UNC80: variants seen among roughly 807,000 people sequenced by gnomAD.
UNC80 encodes protein unc-80 homolog.
UNC80 carries 164 observed loss-of-function variants against 384.6 expected under a neutral mutation model. The ratio of observed to expected loss-of-function variants is 0.43; its 90% CI spans 0.38 to 0.49. The LOEUF is 0.49. Ranked by LOEUF, UNC80 falls within the 20% of genes least tolerant of loss-of-function variation. The pLI is 0.00. For missense variants in UNC80, 3,330 were observed against 4,143.0 expected, an observed-to-expected ratio of 0.80 and a Z score of 5.39; for synonymous variants, 1,486 against 1,527.8, an observed-to-expected ratio of 0.97 and a Z score of 0.64.
At chr2:209,971,464 CAAAAAA>C (rs35804573) in intron 54 of UNC80, among the ~76,000 whole-genome samples, 30 of 133,782 alleles carry the variant, frequency 2.2e-4, no homozygotes, top group Admixed American at 5.3e-4. Flanking sequence ...ATTCCCAAGG[CAAAAAA>C]AAAAAAAAAA....
intron 58 of UNC80, among the ~76,000 whole-genome samples, chr2:209,977,462 G>A (rs923819951): frequency 2.6e-5 from 4 of 152,020 alleles, no homozygotes; most frequent in African/African-American, 9.7e-5. Context: ...TCTATTTTAT[G>A]GTAGATTATT....
At chr2:209,947,093 T>G (rs2091948575) in intron 47 of UNC80, among the ~76,000 whole-genome samples, 1 of 152,168 alleles carries the variant, frequency 6.6e-6, no homozygotes, top group Non-Finnish European at 1.5e-5. Context: ...ATTTCTGATC[T>G]CAGGGTATGG....
chr2:209,974,673 G>A (rs993174846), intron 56 of UNC80, among the ~76,000 whole-genome samples: 2 of 152,242 alleles, frequency 1.3e-5, no homozygotes, highest in Admixed American at 6.5e-5. Flanking sequence ...AGAAGTTAGT[G>A]TTATTCTCAT....
chr2:209,930,052 G>A, intron 37 of UNC80, 81 bp downstream of exon 37: 3 of 815,214 alleles, frequency 3.7e-6, no homozygotes, highest in Non-Finnish European at 5.4e-6. Context: ...ACTTTATAGT[G>A]CAGTGCATGC....
chr2:209,802,470 A>T (rs964279571), intron 7 of UNC80, among the ~76,000 whole-genome samples: 3 of 152,208 alleles, frequency 2.0e-5, no homozygotes, highest in African/African-American at 7.2e-5. Flanking sequence ...TAAAAATTTT[A>T]AAAGTAATAT....
intron 51 of UNC80, among the ~76,000 whole-genome samples, chr2:209,962,848 A>G (rs1388554116): frequency 6.6e-6 from 1 of 152,228 alleles, no homozygotes; most frequent in Non-Finnish European, 1.5e-5. Flanking sequence ...GAATATGTGT[A>G]AAAGTTGGAG....
rs748631451 is a variant in UNC80, at chr2:209,775,997, C to T, written c.250C>T (p.His84Tyr). ...RWELVQAALP[H>Y]VLHCTATLLS... ...GGAACTGGTGCAAGCTGCTTTGCCT[C>T]ATGTCCTCCACTGCACTGCAACCCT... is the stretch of plus-strand genomic sequence containing the variant. The change falls in exon 3 of 65, where the codon CAT (histidine) becomes TAT (tyrosine). Residue 84 changes from histidine (H) to tyrosine (Y), a missense_variant. His to Tyr is a moderately conservative substitution (Grantham distance 83). This residue lies in a region of UNC80 where 86 missense variants were observed against 141.5 expected (regional missense o/e 0.61). Coordinates refer to ENST00000673920, the MANE Select transcript of UNC80 (RefSeq NM_001371986.1). 3.9e-5 allele frequency: 63 copies of T among 1,614,068 alleles called. No individual in the cohort carries two copies. Among genetic ancestry groups the T allele is most frequent in the Middle Eastern group, 1.6e-4 (1 of 6,082 alleles).
intron 55 of UNC80, among the ~76,000 whole-genome samples, 183 bp downstream of exon 55, chr2:209,972,507 A>G (rs976074730): frequency 3.3e-5 from 5 of 152,212 alleles, no homozygotes; most frequent in Admixed American, 2.6e-4. Flanking sequence ...CTGGGACCAG[A>G]GTTTCTCTGC....
chr2:209,843,636 C>T (rs1382109645), intron 21 of UNC80, among the ~76,000 whole-genome samples: 1 of 152,114 alleles, frequency 6.6e-6, no homozygotes, highest in African/African-American at 2.4e-5. Context: ...TGAACTCTGT[C>T]TTTTCTTCTT....
At chr2:209,895,661 A>G (rs184903691) in intron 27 of UNC80, among the ~76,000 whole-genome samples, 9 of 152,360 alleles carry the variant, frequency 5.9e-5, no homozygotes, top group Admixed American at 5.2e-4. Context: ...TTGTCATTAA[A>G]AAGATCTATA....
intron 18 of UNC80, among the ~76,000 whole-genome samples, chr2:209,836,185 G>C (rs1182071591): frequency 6.6e-6 from 1 of 152,092 alleles, no homozygotes; most frequent in East Asian, 1.9e-4. Context: ...TTAAAATTCA[G>C]TTTTAGTTTT....
intron 49 of UNC80, 88 bp downstream of exon 49, chr2:209,957,824 TAGTCAATA>T: frequency 8.3e-7 from 1 of 1,208,056 alleles, no homozygotes; most frequent in African/African-American, 1.5e-5. Context: ...ACCCTGAACA[TAGTCAATA>T]TTGAGTGTGA....
intron 36 of UNC80, among the ~76,000 whole-genome samples, chr2:209,929,513 T>A (rs1429641590): frequency 1.3e-5 from 2 of 152,232 alleles, no homozygotes; most frequent in Non-Finnish European, 2.9e-5. Context: ...TCTTTCATAG[T>A]TTCTCCATAA....
At chr2:209,810,197 A>T (rs949807732) in intron 7 of UNC80, among the ~76,000 whole-genome samples, 1 of 151,908 alleles carries the variant, frequency 6.6e-6, no homozygotes, top group African/African-American at 2.4e-5. Flanking sequence ...CTCAAGAGGG[A>T]CTGTAAGTAA....
intron 28 of UNC80, among the ~76,000 whole-genome samples, chr2:209,897,812 A>G (rs980163947): frequency 3.3e-5 from 5 of 152,196 alleles, no homozygotes; most frequent in African/African-American, 1.2e-4. Flanking sequence ...TCTTCTTTAA[A>G]TATTTGGAAG....
At chr2:209,818,935 C>A in intron 11 of UNC80, 58 bp from the exon 12 acceptor site, 2 of 1,507,876 alleles carry the variant, frequency 1.3e-6, no homozygotes, top group South Asian at 2.6e-5. Flanking sequence ...GTATAACTGT[C>A]TAACTGGTAT....
At chr2:209,882,051 C>T (rs181648672) in intron 25 of UNC80, among the ~76,000 whole-genome samples, 2 of 149,882 alleles carry the variant, frequency 1.3e-5, no homozygotes, top group Non-Finnish European at 3.0e-5. Flanking sequence ...ACTGCAAGCT[C>T]TGCCTTCCCA....
intron 4 of UNC80, among the ~76,000 whole-genome samples, chr2:209,782,698 CAG>C (rs1438757225): frequency 1.3e-5 from 2 of 152,002 alleles, no homozygotes; most frequent in African/African-American, 4.8e-5. Context: ...TTTTGTAACA[CAG>C]TGTATTATTC....
intron 49 of UNC80, among the ~76,000 whole-genome samples, chr2:209,958,496 C>CATCATATAT (rs1440276310): frequency 6.6e-6 from 1 of 152,164 alleles, no homozygotes; most frequent in Non-Finnish European, 1.5e-5. Context: ...ATTCCCTGCT[C>CATCATATAT]ATCATATATA....
Sources: gnomAD v4.1 joint callset for allele counts (sites outside exome capture counted in the v4.1 genomes callset) on GRCh38, gnomAD v4.1.1 for gene constraint, gnomAD v4.1.1 regional missense constraint, MANE v1.5 for transcripts, NCBI Gene and HGNC (gene_info 2026-07-23, HGNC 2026-07-21) for gene names.